Variants in TMEM30A observed in about 807,000 individuals in gnomAD.
The protein encoded by TMEM30A is cell division cycle 50 P4-ATPase accessory subunit A, also known as cell cycle control protein 50A.
TMEM30A carries 24 observed loss-of-function variants against 38.2 expected under a neutral mutation model. The observed-to-expected ratio is 0.63, with a 90% CI of 0.46 to 0.88. The LOEUF (loss-of-function observed/expected upper bound fraction) is 0.88. Ranked by LOEUF, TMEM30A falls within the 40% of genes least tolerant of loss-of-function variation. The pLI is 0.00. For synonymous variants in TMEM30A, 145 were observed against 161.6 expected (o/e 0.90, Z 0.78); for missense variants, 370 against 458.6 (o/e 0.81, Z 1.77).
chr6:75,263,734 A>G (rs754315056), intron 3 of TMEM30A, among the ~76,000 whole-genome samples: 1 of 152,220 alleles, frequency 6.6e-6, no homozygotes, highest in Non-Finnish European at 1.5e-5. Flanking sequence ...AAAATAGTAT[A>G]TAAGATAATA....
intron 1 of TMEM30A, among the ~76,000 whole-genome samples, chr6:75,278,232 T>C (rs1772294277): frequency 6.6e-6 from 1 of 152,246 alleles, no homozygotes. Context: ...GCTCTCATCC[T>C]GATGACATAC....
At chr6:75,267,882 G>T (rs1772095906) in intron 1 of TMEM30A, 134 bp from the exon 2 acceptor site, 1 of 474,542 alleles carries the variant, frequency 2.1e-6, no homozygotes, top group East Asian at 3.4e-5. Flanking sequence ...CTGTTTTTAA[G>T]GTCATCTGTT....
At chr6:75,256,759 CA>C (rs779332154) in intron 6 of TMEM30A, 3 of 485,202 alleles carry the variant, frequency 6.2e-6, no homozygotes, top group South Asian at 4.5e-5. Flanking sequence ...AGGCTCTGAG[CA>C]AAAGATCAAA....
chr6:75,268,613 G>A (rs979357233), intron 1 of TMEM30A, among the ~76,000 whole-genome samples: 1 of 152,150 alleles, frequency 6.6e-6, no homozygotes, highest in Non-Finnish European at 1.5e-5. Flanking sequence ...AGGACTGTTC[G>A]AGACCTTGCT....
chr6:75,284,400 A>G lies in TMEM30A; in HGVS notation c.237+2T>C. The G allele has an allele frequency of 6.2e-7, 1 of 1,613,852 alleles. No individual in the cohort carries two copies. Among genetic ancestry groups the G allele is most frequent in the East Asian group, 2.2e-5 (1 of 44,872 alleles). Reference sequence around the variant, plus strand: ...ACTCCCACCACAGCTCCCTCCCCTCACCTCGATCTCGCGGATGTTGTTGGA... The same window carrying G: ...ACTCCCACCACAGCTCCCTCCCCTCGCCTCGATCTCGCGGATGTTGTTGGA... On this transcript the variant is annotated splice_donor_variant, in intron 1 of 6. Transcript: ENST00000230461. LOFTEE classifies it high-confidence loss of function.
chr6:75,260,746 T>C, intron 4 of TMEM30A, 78 bp downstream of exon 4: 2 of 857,122 alleles, frequency 2.3e-6, no homozygotes, highest in Non-Finnish European at 3.4e-6. Flanking sequence ...CATTCATGTT[T>C]ACTAAACTAT....
At chr6:75,263,510 A>G (rs949612810) in intron 3 of TMEM30A, among the ~76,000 whole-genome samples, 1 of 152,360 alleles carries the variant, frequency 6.6e-6, no homozygotes, top group South Asian at 2.1e-4. Flanking sequence ...AAAATAAATG[A>G]AGTAAATATG....
rs577731436 is a variant in TMEM30A at position 75,262,896 on chromosome 6, G to T, written c.454-1985C>A. 2.0e-5 allele frequency among the ~76,000 whole-genome samples: 3 copies of T among 152,366 alleles called. No homozygotes were observed. The South Asian group carries it at 6.2e-4, about 32-fold the overall frequency. The stretch of plus-strand genomic sequence containing the variant: ...TTTATTAAATGCCTTCCATGTGCAA[G>T]CACGAGCCAGGCACTTGGTAAACAG... On this transcript the variant is annotated intron_variant, in intron 3 of 6. Coordinates refer to ENST00000230461, the MANE Select transcript of TMEM30A (RefSeq NM_018247.4).
intron 1 of TMEM30A, among the ~76,000 whole-genome samples, chr6:75,270,457 G>C (rs936619210): frequency 1.3e-5 from 2 of 152,080 alleles, no homozygotes; most frequent in South Asian, 4.2e-4. Flanking sequence ...AGGTCATGAG[G>C]GTGGAGCTCC....
At chr6:75,278,287 G>C (rs552106022) in intron 1 of TMEM30A, among the ~76,000 whole-genome samples, 1 of 152,284 alleles carries the variant, frequency 6.6e-6, no homozygotes, top group South Asian at 2.1e-4. Context: ...GTGTTGCAGA[G>C]ACTGCTAATA....
chr6:75,259,075 T>A, intron 5 of TMEM30A, 89 bp from the exon 6 acceptor site: 1 of 1,114,454 alleles, frequency 9.0e-7, no homozygotes, highest in Non-Finnish European at 1.3e-6. Flanking sequence ...GGATAATAAA[T>A]AGGGGTTTAT....
At chr6:75,266,938 T>C (rs1012753952) in intron 2 of TMEM30A, among the ~76,000 whole-genome samples, 1 of 152,224 alleles carries the variant, frequency 6.6e-6, no homozygotes, top group Admixed American at 6.5e-5. Flanking sequence ...TTAGGGACTA[T>C]TAAAGTCATC....
chr6:75,272,907 A>C (rs774692196), intron 1 of TMEM30A: 20 of 152,254 alleles, frequency 1.3e-4, no homozygotes, highest in African/African-American at 4.6e-4. Flanking sequence ...GTGTAAAGGT[A>C]CAAGAGCTAG....
chr6:75,278,337 C>CA (rs1357708145), intron 1 of TMEM30A, among the ~76,000 whole-genome samples: 1 of 152,094 alleles, frequency 6.6e-6, no homozygotes, highest in Non-Finnish European at 1.5e-5. Flanking sequence ...CTTTTTTTCA[C>CA]AATACAAAAC....
intron 1 of TMEM30A, among the ~76,000 whole-genome samples, chr6:75,279,384 G>C (rs1443218797): frequency 6.6e-6 from 1 of 151,672 alleles, no homozygotes; most frequent in Admixed American, 6.6e-5. Flanking sequence ...TTTGAATAAA[G>C]TTGTTACCAT....
intron 1 of TMEM30A, among the ~76,000 whole-genome samples, chr6:75,268,487 A>G (rs1302575739): frequency 1.3e-5 from 2 of 152,192 alleles, no homozygotes; most frequent in Admixed American, 6.5e-5. Context: ...TGAAGTCCCA[A>G]TAGAAACTCT....
Position 75,258,930 on chromosome 6 carries a change from C to G in TMEM30A, c.742G>C (p.Asp248His). Residue 248 changes from aspartate (D) to histidine (H), a missense_variant, in exon 6 of 7, where the codon GAT (aspartate) becomes CAT (histidine). Physicochemically the swap from Asp to His is moderately conservative, Grantham distance 81. Coordinates refer to ENST00000230461, the MANE Select transcript of TMEM30A (RefSeq NM_018247.4). ...KPVYMLDSDP[D>H]NNGFINEDFI... is the part of the protein sequence containing the mutation. Reference sequence around the variant, plus strand: ...TCCTCATTTATGAATCCATTATTATCTGGGTCAGAATCCAGCATGTAAACT... The same window carrying G: ...TCCTCATTTATGAATCCATTATTATGTGGGTCAGAATCCAGCATGTAAACT... 6.2e-7 allele frequency: 1 copy of G among 1,613,914 alleles called. No individual in the cohort carries two copies. Among genetic ancestry groups the G allele is most frequent in the East Asian group, 2.2e-5 (1 of 44,854 alleles).
intron 4 of TMEM30A, 87 bp from the exon 5 acceptor site, chr6:75,259,577 ATT>A: frequency 8.1e-7 from 1 of 1,236,340 alleles, no homozygotes; most frequent in Non-Finnish European, 1.1e-6. Context: ...AGGACCTGAT[ATT>A]TGTTTCCAAA....
chr6:75,257,371 T>C (rs1034100200), intron 6 of TMEM30A, among the ~76,000 whole-genome samples: 2 of 152,170 alleles, frequency 1.3e-5, no homozygotes, highest in African/African-American at 4.8e-5. Context: ...CAATCTGCCA[T>C]ATATCATGCA....
Sources: allele counts gnomAD v4.1 joint callset (sites outside exome capture counted in the v4.1 genomes callset), GRCh38; gene constraint gnomAD v4.1.1; transcripts MANE v1.5; gene names NCBI Gene and HGNC (gene_info 2026-07-23, HGNC 2026-07-21).